The following ACADL variants were observed in gnomAD, a reference collection of about 807,000 sequenced individuals.
ACADL encodes the protein acyl-CoA dehydrogenase long chain.
In ACADL, 60 loss-of-function variants were observed where a neutral mutation model predicts 56.9. The ratio of observed to expected loss-of-function variants is 1.05; its 90% CI spans 0.86 to 1.31. ACADL has a LOEUF of 1.31. Among genes scored for constraint, ACADL ranks in the 50% most tolerant of loss-of-function variants. The probability of loss-of-function intolerance (pLI) is 0.00; values close to 1 mark genes in which losing one functional copy is unlikely to be tolerated. For synonymous variants in ACADL, 158 were observed against 179.7 expected (o/e 0.88, Z 0.97); for missense variants, 484 against 525.5 (o/e 0.92, Z 0.77).
At chr2:210,212,748 C>T (rs1383929318) in intron 4 of ACADL, among the ~76,000 whole-genome samples, 1 of 152,178 alleles carries the variant, frequency 6.6e-6, no homozygotes, top group Non-Finnish European at 1.5e-5. Context: ...GTATCAAGAT[C>T]ATATTTATAT....
Position 210,188,975 on chromosome 2 carries a change from C to T in ACADL, c.1279G>A (p.Val427Ile). 1.2e-6 allele frequency: 2 copies of T among 1,612,800 alleles called. No individual in the cohort carries two copies. The highest frequency in any genetic ancestry group is 1.7e-6 in the Non-Finnish European group (2 of 1,178,978). ...IMKELIAREI[V>I]FDK ...TGGGCAGATGTCTACTTGTCAAAGA[C>T]AATCTCTCTTGCAATCAGCTCCTTC... is the stretch of plus-strand genomic sequence containing the variant. Residue 427 changes from valine to isoleucine, a missense_variant, in exon 11 of 11, where the codon GTC (valine) becomes ATC (isoleucine). Transcript: ENST00000233710.
At chr2:210,190,956 G>A (rs1365780752) in intron 10 of ACADL, among the ~76,000 whole-genome samples, 4 of 144,520 alleles carry the variant, frequency 2.8e-5, no homozygotes, top group East Asian at 2.1e-4. Flanking sequence ...TCACTCTGTC[G>A]CCCAGGCTGG....
At chr2:210,204,752 A>C (rs1280718727) in intron 6 of ACADL, 70 bp from the exon 7 acceptor site, 5 of 1,244,406 alleles carry the variant, frequency 4.0e-6, no homozygotes, top group Non-Finnish European at 5.9e-6. Flanking sequence ...TGAATATTGA[A>C]GTGAATATTA....
intron 8 of ACADL, among the ~76,000 whole-genome samples, chr2:210,201,364 A>C (rs549876765): frequency 6.6e-6 from 1 of 152,126 alleles, no homozygotes; most frequent in Non-Finnish European, 1.5e-5. Flanking sequence ...CCTCACAACA[A>C]CGCTATGAGG....
intron 8 of ACADL, among the ~76,000 whole-genome samples, chr2:210,198,085 G>A (rs893309493): frequency 3.3e-5 from 5 of 152,090 alleles, no homozygotes; most frequent in Non-Finnish European, 5.9e-5. Context: ...GTGAATGATC[G>A]ACAAGGTCAT....
Position 210,214,580 on chromosome 2 carries a change from A to T in ACADL, c.536+1767T>A, listed in dbSNP as rs3754596. Reference sequence around the variant, plus strand: ...ATTCTCAGGTTTCCTTCTTAATTATATACACTTAACCACAGATAAGGCCAG... The same window carrying T: ...ATTCTCAGGTTTCCTTCTTAATTATTTACACTTAACCACAGATAAGGCCAG... On this transcript the variant is annotated intron_variant, in intron 4 of 10. Coordinates refer to ENST00000233710, the MANE Select transcript of ACADL (RefSeq NM_001608.4). 2.5e-3 allele frequency among the ~76,000 whole-genome samples: 375 copies of T among 152,308 alleles called. 12 individuals carry two copies. The East Asian group carries it at 0.06, about 24-fold the overall frequency.
intron 8 of ACADL, among the ~76,000 whole-genome samples, chr2:210,202,701 C>T (rs1688813955): frequency 6.6e-6 from 1 of 152,138 alleles, no homozygotes; most frequent in Non-Finnish European, 1.5e-5. Context: ...AAAATAACGA[C>T]AAAAAATTAA....
At chr2:210,201,425 G>A (rs1171034848) in intron 8 of ACADL, among the ~76,000 whole-genome samples, 1 of 151,992 alleles carries the variant, frequency 6.6e-6, no homozygotes, top group Non-Finnish European at 1.5e-5. Flanking sequence ...ATTTACAAAC[G>A]TTATAAATTT....
intron 4 of ACADL, among the ~76,000 whole-genome samples, chr2:210,213,240 C>T (rs779661192): frequency 9.8e-5 from 15 of 152,324 alleles, no homozygotes; most frequent in African/African-American, 2.4e-4. Context: ...TGGCTCATGC[C>T]TGTAATCCCA....
intron 6 of ACADL, among the ~76,000 whole-genome samples, chr2:210,205,088 G>A (rs375348048): frequency 1.1e-4 from 16 of 152,086 alleles, no homozygotes; most frequent in East Asian, 5.8e-4. Flanking sequence ...GTGCAGTGGC[G>A]TGATCTTGGC....
At chr2:210,210,028 G>T (rs1456418345) in intron 5 of ACADL, 168 bp downstream of exon 5, 1 of 604,834 alleles carries the variant, frequency 1.7e-6, no homozygotes, top group East Asian at 2.8e-5. Context: ...AGCTACCACA[G>T]ATCTTAAGTA....
chr2:210,225,338 G>C lies in ACADL; in HGVS notation c.-75C>G. 1.4e-6 allele frequency: 2 copies of C among 1,472,538 alleles called. No individual in the cohort carries two copies. The highest frequency in any genetic ancestry group is 1.8e-6 in the Non-Finnish European group (2 of 1,094,926). The allele number at this position is 1,472,538 out of a possible 1,614,324, so 91.2% of individuals were successfully genotyped here. ...CGGCGACTCGGGGCAGGGTCCCCGG[G>C]AGGGAGGACGATCAGCTGAGGCGTC... On this transcript the variant is annotated 5_prime_UTR_variant, in exon 1 of 11. Coordinates refer to ENST00000233710, the MANE Select transcript of ACADL (RefSeq NM_001608.4).
Position 210,225,373 on chromosome 2 carries a change from T to G in ACADL, c.-110A>C. Reference sequence around the variant, plus strand: ...GATCAGCTGAGGCGTCCACCTGTGGTGTCCTCCCAAAAAAGCGCTCGCGCG... The same window carrying G: ...GATCAGCTGAGGCGTCCACCTGTGGGGTCCTCCCAAAAAAGCGCTCGCGCG... On this transcript the variant is annotated 5_prime_UTR_variant, in exon 1 of 11. Transcript: ENST00000233710. The G allele has an allele frequency of 2.3e-6, 3 of 1,284,352 alleles. No homozygotes were observed. The highest frequency in any genetic ancestry group is 3.2e-6 in the Non-Finnish European group (3 of 948,280). 79.6% of individuals were successfully genotyped at this position (1,284,352 alleles called of 1,614,324 possible).
chr2:210,222,508 C>CAAAAAAAAAAAAAAAAAA (rs797000679), intron 1 of ACADL, among the ~76,000 whole-genome samples: 2 of 81,396 alleles, frequency 2.5e-5, no homozygotes, highest in African/African-American at 3.8e-5. Flanking sequence ...AACAAACAAA[C>CAAAAAAAAAAAAAAAAAA]AAAAAAAAAA....
chr2:210,195,379 AGAAATAT>A (rs1559633399), intron 8 of ACADL, 41 bp from the exon 9 acceptor site: 8 of 1,583,180 alleles, frequency 5.1e-6, no homozygotes, highest in East Asian at 2.2e-5. Flanking sequence ...TGAGCATGGT[AGAAATAT>A]AAACTTCAAC....
chr2:210,216,301 A>C (rs763504921), intron 4 of ACADL, 46 bp downstream of exon 4: 1 of 1,603,058 alleles, frequency 6.2e-7, no homozygotes, highest in South Asian at 1.1e-5. Context: ...AGAAAATGTT[A>C]AGGCACTGCT....
In ACADL at chr2:210,218,088, C is replaced by T; in HGVS notation, c.248G>A (p.Gly83Glu). ...TTCCCAAACCTCCCTACTTACTTCTCCAGCTTTCTCCCATCTGCAAATAAC... is the reference window on the plus strand; with the variant it reads ...TTCCCAAACCTCCCTACTTACTTCTTCAGCTTTCTCCCATCTGCAAATAAC... ...IPHHSEWEKA[G>E]EVSREVWEKA... Residue 83 changes from glycine to glutamate, a missense_variant, in exon 3 of 11, where the codon GGA (glycine) becomes GAA (glutamate). Physicochemically the swap from Gly to Glu is moderately conservative, Grantham distance 98. Coordinates refer to ENST00000233710, the MANE Select transcript of ACADL (RefSeq NM_001608.4). The T allele has an allele frequency of 6.2e-7, 1 of 1,613,716 alleles. No homozygotes were observed. The highest frequency in any genetic ancestry group is 1.7e-5 in the Admixed American group (1 of 59,934).
intron 5 of ACADL, 105 bp downstream of exon 5, chr2:210,210,091 T>G (rs1438316788): frequency 5.7e-6 from 5 of 882,288 alleles, no homozygotes; most frequent in Non-Finnish European, 9.5e-6. Flanking sequence ...ATTCAATTCC[T>G]GCCTGAGTCC....
intron 8 of ACADL, among the ~76,000 whole-genome samples, chr2:210,201,890 C>A (rs1688798629): frequency 6.6e-6 from 1 of 152,078 alleles, no homozygotes; most frequent in Admixed American, 6.6e-5. Flanking sequence ...TAGGTAAACA[C>A]AATCATCTGT....
Sources: allele counts gnomAD v4.1 joint callset (sites outside exome capture counted in the v4.1 genomes callset), GRCh38; gene constraint gnomAD v4.1.1; transcripts MANE v1.5; gene names NCBI Gene and HGNC (gene_info 2026-07-23, HGNC 2026-07-21).